The following RAB3GAP2 variants were observed in gnomAD, a reference collection of about 807,000 sequenced individuals.
RAB3GAP2 encodes the protein RAB3 GTPase activating non-catalytic protein subunit 2, also known as rab3 GTPase-activating protein non-catalytic subunit.
A neutral mutation model predicts 185.3 loss-of-function variants in RAB3GAP2; 87 were observed. The observed-to-expected ratio is 0.47, with a 90% CI of 0.39 to 0.56. The LOEUF is 0.56. RAB3GAP2 is among the 20% of genes least tolerant of loss of function. The pLI, the probability that RAB3GAP2 is intolerant of heterozygous loss-of-function variation, is 0.00. For synonymous variants in RAB3GAP2, 554 were observed against 576.1 expected (o/e 0.96, Z 0.55); for missense variants, 1,492 against 1,638.2 (o/e 0.91, Z 1.54).
At position 220,149,501 on chromosome 1, in the gene RAB3GAP2, T is replaced by C. The variant is rs907281191; in HGVS notation, c.*1750A>G. ...TTGACTAGCCTCCTTAAGTTCATAC[T>C]ACTACTTTCAGCGTACTTGGAAAAA... is the stretch of plus-strand genomic sequence containing the variant. On this transcript the variant is annotated 3_prime_UTR_variant, in exon 35 of 35. Coordinates refer to ENST00000358951, the MANE Select transcript of RAB3GAP2 (RefSeq NM_012414.4). 6.6e-6 allele frequency: 1 copy of C among 152,248 alleles called. No individual in the cohort carries two copies. The highest frequency in any genetic ancestry group is 2.4e-5 in the African/African-American group (1 of 41,460). 9.4% of individuals were successfully genotyped at this position (152,248 alleles called of 1,614,324 possible).
Position 220,209,840 on chromosome 1 carries a change from T to G in RAB3GAP2, c.612+548A>C, listed in dbSNP as rs192695308. On this transcript the variant is annotated intron_variant, in intron 7 of 34. Transcript: ENST00000358951. ...AATGGCCCTACAATTATTTTTTGAC[T>G]AAGACAACCAAAATGTTACAAGGCA... Among the ~76,000 whole-genome samples the G allele has an allele frequency of 3.0e-4, 46 of 152,326 alleles. No homozygotes were observed. In the East Asian group the frequency reaches 7.5e-3, roughly 25 times the overall value.
intron 1 of RAB3GAP2, chr1:220,267,396 C>T (rs2102537755): frequency 7.9e-7 from 1 of 1,272,578 alleles, no homozygotes; most frequent in East Asian, 2.3e-5. Context: ...GTTGATGCTC[C>T]ACTCCTGCTT....
At chr1:220,193,423 T>C in intron 12 of RAB3GAP2, 44 bp from the exon 13 acceptor site, 6 of 1,585,568 alleles carry the variant, frequency 3.8e-6, no homozygotes, top group Non-Finnish European at 5.2e-6. Context: ...ACATTCCAGT[T>C]CAGAAACATA....
At chr1:220,239,176 T>C (rs1659646670) in intron 1 of RAB3GAP2, among the ~76,000 whole-genome samples, 1 of 152,226 alleles carries the variant, frequency 6.6e-6, no homozygotes, top group Non-Finnish European at 1.5e-5. Flanking sequence ...TTATAAACTT[T>C]ATATATACAG....
intron 32 of RAB3GAP2, 64 bp downstream of exon 32, chr1:220,153,904 T>C (rs1212295722): frequency 5.0e-6 from 8 of 1,602,786 alleles, no homozygotes; most frequent in Non-Finnish European, 6.8e-6. Flanking sequence ...AAAAGCCAGC[T>C]AGATTTTTCC....
At chr1:220,253,554 G>A (rs962079834) in intron 1 of RAB3GAP2, 78 of 1,582,074 alleles carry the variant, frequency 4.9e-5, no homozygotes, top group African/African-American at 1.2e-4. Context: ...AGGAGGAGGC[G>A]GCAAATCACT....
rs1017222601 is a variant in RAB3GAP2, at chr1:220,156,044, A to C, written c.3555+1226T>G. Reference sequence around the variant, plus strand: ...TGGCTCACTGCAACCTCTGCCTCCCAGGTTCAAGCGATTATCCTGCCTCAG... The same window carrying C: ...TGGCTCACTGCAACCTCTGCCTCCCCGGTTCAAGCGATTATCCTGCCTCAG... On this transcript the variant is annotated intron_variant, in intron 31 of 34. Transcript: ENST00000358951. Among the ~76,000 whole-genome samples the C allele has an allele frequency of 4.0e-5, 6 of 151,536 alleles. No individual in the cohort carries two copies. In the East Asian group the frequency reaches 1.2e-3, roughly 30 times the overall value.
chr1:220,265,183 A>C (rs764673742), intron 1 of RAB3GAP2, among the ~76,000 whole-genome samples: 5 of 152,130 alleles, frequency 3.3e-5, no homozygotes, highest in Non-Finnish European at 7.4e-5. Context: ...ACTACATATA[A>C]AAAATAGAGT....
intron 21 of RAB3GAP2, among the ~76,000 whole-genome samples, chr1:220,180,617 A>T (rs1658384827): frequency 6.6e-6 from 1 of 152,202 alleles, no homozygotes; most frequent in Non-Finnish European, 1.5e-5. Context: ...AAAAGCCCAG[A>T]TCTGATGAAT....
At chr1:220,204,649 T>C (rs1658926698) in intron 8 of RAB3GAP2, among the ~76,000 whole-genome samples, 1 of 152,144 alleles carries the variant, frequency 6.6e-6, no homozygotes, top group African/African-American at 2.4e-5. Context: ...GATTGTTACA[T>C]ATGTATACAT....
intron 9 of RAB3GAP2, among the ~76,000 whole-genome samples, chr1:220,196,981 T>A (rs988174708): frequency 1.3e-5 from 2 of 151,726 alleles, no homozygotes; most frequent in East Asian, 3.9e-4. Flanking sequence ...AAATACCAAT[T>A]CACTTCTTTT....
chr1:220,252,152 G>GAAAA (rs58516168), intron 1 of RAB3GAP2, among the ~76,000 whole-genome samples: 2 of 95,996 alleles, frequency 2.1e-5, no homozygotes, highest in Non-Finnish European at 4.2e-5. Context: ...CTCAAAAAAA[G>GAAAA]AAAAAAAAAA....
chr1:220,254,952 C>CTTT (rs59174009), intron 1 of RAB3GAP2, among the ~76,000 whole-genome samples: 1 of 131,524 alleles, frequency 7.6e-6, no homozygotes. Context: ...TCCATTTGTG[C>CTTT]TTTTTTTTTT....
At chr1:220,156,389 C>A (rs1243972058) in intron 31 of RAB3GAP2, among the ~76,000 whole-genome samples, 1 of 152,190 alleles carries the variant, frequency 6.6e-6, no homozygotes, top group African/African-American at 2.4e-5. Flanking sequence ...TCCTGTCTCT[C>A]AAAATTTGAC....
intron 24 of RAB3GAP2, among the ~76,000 whole-genome samples, chr1:220,168,752 TTAGCTA>T (rs1406845687): frequency 1.2e-4 from 18 of 152,248 alleles, no homozygotes; most frequent in Admixed American, 6.5e-5. Flanking sequence ...TGGGCCTAAT[TTAGCTA>T]TAGCTAATCA....
chr1:220,263,795 C>G (rs370293452), intron 1 of RAB3GAP2, among the ~76,000 whole-genome samples: 5 of 151,906 alleles, frequency 3.3e-5, no homozygotes, highest in South Asian at 2.1e-4. Context: ...TTCTTATGTA[C>G]GCTATTATGC....
chr1:220,186,893 T>G (rs1298787202), intron 17 of RAB3GAP2, among the ~76,000 whole-genome samples: 1 of 152,236 alleles, frequency 6.6e-6, no homozygotes, highest in African/African-American at 2.4e-5. Flanking sequence ...CCCTTTCTAC[T>G]ACAGATTTCT....
At chr1:220,174,991 T>A (rs1184926053) in intron 21 of RAB3GAP2, among the ~76,000 whole-genome samples, 1 of 152,146 alleles carries the variant, frequency 6.6e-6, no homozygotes, top group Non-Finnish European at 1.5e-5. Flanking sequence ...GCTGAAAAAA[T>A]TGGTTGCCTA....
At chr1:220,251,841 A>G (rs1409713786) in intron 1 of RAB3GAP2, among the ~76,000 whole-genome samples, 1 of 152,212 alleles carries the variant, frequency 6.6e-6, no homozygotes, top group East Asian at 1.9e-4. Context: ...CTTCAGTGTA[A>G]TATTATGTAA....
Sources: gnomAD v4.1 joint callset for allele counts (sites outside exome capture counted in the v4.1 genomes callset) on GRCh38, gnomAD v4.1.1 for gene constraint, MANE v1.5 for transcripts, NCBI Gene and HGNC (gene_info 2026-07-23, HGNC 2026-07-21) for gene names.